ADGRL2: variants seen among roughly 807,000 people sequenced by gnomAD.
ADGRL2 encodes calcium-independent alpha-latrotoxin receptor 2.
ADGRL2 carries 44 observed loss-of-function variants against 157.4 expected under a neutral mutation model. The ratio of observed to expected loss-of-function variants is 0.28; its 90% CI spans 0.22 to 0.36. The LOEUF is 0.36. Ranked by LOEUF, ADGRL2 falls within the 10% of genes least tolerant of loss-of-function variation. The probability of loss-of-function intolerance (pLI) is 1.00; values close to 1 mark genes in which losing one functional copy is unlikely to be tolerated. For missense variants in ADGRL2, 1,510 were observed against 1,768.9 expected (o/e 0.85, Z 2.63); for synonymous variants, 585 against 624.7 (o/e 0.94, Z 0.95).
chr1:81,661,747 C>T (rs1420240322), intron 3 of ADGRL2, among the ~76,000 whole-genome samples: 2 of 152,138 alleles, frequency 1.3e-5, no homozygotes, highest in Non-Finnish European at 2.9e-5. Context: ...GATAGCACTT[C>T]CTTTCACTTG....
intron 2 of ADGRL2, among the ~76,000 whole-genome samples, chr1:81,544,583 A>G (rs941195160): frequency 1.3e-5 from 2 of 152,118 alleles, no homozygotes; most frequent in South Asian, 4.1e-4. Flanking sequence ...TGTACCTGAA[A>G]TTAATTTTTT....
At chr1:81,688,629 C>A (rs1390891200) in intron 3 of ADGRL2, among the ~76,000 whole-genome samples, 1 of 152,056 alleles carries the variant, frequency 6.6e-6, no homozygotes, top group African/African-American at 2.4e-5. Flanking sequence ...CTGGTCCCTC[C>A]CTGATTAGCT....
Position 81,404,018 on chromosome 1 carries a change from G to C in ADGRL2, c.-301-41018G>C, listed in dbSNP as rs1053230236. On this transcript the variant is annotated intron_variant, in intron 1 of 24. Transcript: ENST00000370721. ...TTGCCATGGTGGCCAGGTTGGTCTC[G>C]ATCTCTTGACCTCGTAATCCGTCCA... Among the ~76,000 whole-genome samples, 7 of 151,912 alleles carry C rather than the reference G, an allele frequency of 4.6e-5. No individual in the cohort carries two copies. In the East Asian group the frequency reaches 9.7e-4, roughly 21 times the overall value.
intron 10 of ADGRL2, among the ~76,000 whole-genome samples, chr1:81,953,620 A>T (rs1652540190): frequency 6.6e-6 from 1 of 152,208 alleles, no homozygotes; most frequent in South Asian, 2.1e-4. Context: ...TGTTGAGCTC[A>T]GAATCCCTGT....
intron 1 of ADGRL2, among the ~76,000 whole-genome samples, chr1:81,730,373 T>G (rs772695644): frequency 6.6e-6 from 1 of 152,198 alleles, no homozygotes; most frequent in Non-Finnish European, 1.5e-5. Context: ...TTACTAATTA[T>G]AATAACACAT....
At chr1:81,844,240 T>A (rs187032493) in intron 2 of ADGRL2, among the ~76,000 whole-genome samples, 14 of 152,306 alleles carry the variant, frequency 9.2e-5, no homozygotes, top group Non-Finnish European at 1.5e-4. Flanking sequence ...ATTTTTATAG[T>A]TTGAAAGAAC....
intron 1 of ADGRL2, among the ~76,000 whole-genome samples, chr1:81,714,111 C>T (rs1315431321): frequency 1.3e-5 from 2 of 152,142 alleles, no homozygotes; most frequent in Admixed American, 1.3e-4. Flanking sequence ...TAAGCCTCCT[C>T]TGATGATTCC....
chr1:81,652,148 A>T (rs1269328864), intron 3 of ADGRL2, among the ~76,000 whole-genome samples: 3 of 152,190 alleles, frequency 2.0e-5, no homozygotes, highest in East Asian at 1.9e-4. Flanking sequence ...AGAATCCAAT[A>T]AAAAAACAGC....
chr1:81,343,092 C>CTTTTTTT (rs544677891), intron 1 of ADGRL2, among the ~76,000 whole-genome samples: 5 of 131,148 alleles, frequency 3.8e-5, no homozygotes, highest in Non-Finnish European at 6.4e-5. Context: ...TTTTTCTTTT[C>CTTTTTTT]TTTTTTTTTT....
intron 1 of ADGRL2, among the ~76,000 whole-genome samples, chr1:81,441,835 A>G (rs1470674837): frequency 2.0e-5 from 3 of 151,484 alleles, no homozygotes; most frequent in African/African-American, 7.3e-5. Flanking sequence ...ACCACTCCCA[A>G]CCTAGAATAT....
intron 2 of ADGRL2, among the ~76,000 whole-genome samples, chr1:81,882,025 G>A (rs1025356214): frequency 6.6e-6 from 1 of 151,892 alleles, no homozygotes; most frequent in African/African-American, 2.4e-5. Context: ...TTCCTGGTAT[G>A]CCAAGATAGA....
At chr1:81,683,233 T>A (rs559339118) in intron 3 of ADGRL2, among the ~76,000 whole-genome samples, 5 of 152,322 alleles carry the variant, frequency 3.3e-5, no homozygotes, top group African/African-American at 1.2e-4. Flanking sequence ...GTCTTTGGAT[T>A]TCTAGAAGTA....
At chr1:81,809,834 C>T (rs1208695694) in intron 1 of ADGRL2, among the ~76,000 whole-genome samples, 3 of 151,848 alleles carry the variant, frequency 2.0e-5, no homozygotes, top group Non-Finnish European at 4.4e-5. Flanking sequence ...TCTTTTAAAA[C>T]TGATTTTGAA....
chr1:81,936,934 CA>C, intron 4 of ADGRL2, 97 bp downstream of exon 4: 1 of 747,412 alleles, frequency 1.3e-6, no homozygotes, highest in South Asian at 1.6e-5. Flanking sequence ...TTATGGCCTA[CA>C]AAACCATTAT....
At chr1:81,428,371 T>A (rs927829494) in intron 1 of ADGRL2, among the ~76,000 whole-genome samples, 2 of 151,896 alleles carry the variant, frequency 1.3e-5, no homozygotes, top group African/African-American at 4.8e-5. Flanking sequence ...GCCAAGAGGC[T>A]ATATTTTAGG....
intron 2 of ADGRL2, among the ~76,000 whole-genome samples, chr1:81,489,246 A>T (rs1200931457): frequency 6.6e-6 from 1 of 151,910 alleles, no homozygotes; most frequent in Non-Finnish European, 1.5e-5. Context: ...CAAAAAAAAA[A>T]TTAATAATAA....
intron 3 of ADGRL2, among the ~76,000 whole-genome samples, chr1:81,623,952 G>T (rs1216809976): frequency 2.0e-5 from 3 of 151,920 alleles, no homozygotes; most frequent in Non-Finnish European, 4.4e-5. Context: ...TTCTAAGGTG[G>T]GGACTGATAT....
intron 1 of ADGRL2, among the ~76,000 whole-genome samples, chr1:81,714,491 T>C (rs9661214): frequency 0.16 from 24,234 of 152,130 alleles, 2,037 homozygotes; most frequent in South Asian, 0.24. Context: ...AGAAGGCATA[T>C]ATGTATGCTT....
chr1:81,984,567 T>G lies in ADGRL2; in HGVS notation c.3283-16T>G. 1 of 1,582,394 alleles carries G rather than the reference T, an allele frequency of 6.3e-7. No individual in the cohort carries two copies. The highest frequency in any genetic ancestry group is 8.6e-7 in the Non-Finnish European group (1 of 1,157,620). On this transcript the variant is annotated splice_polypyrimidine_tract_variant and intron_variant, in intron 19 of 23. Transcript: ENST00000686636. ...GTGTTATATTAATCCCTTGGTCTTG[T>G]GATTATTCAATGCAGGTACGAAAAG... is the stretch of plus-strand genomic sequence containing the variant.
Sources: gnomAD v4.1 joint callset for allele counts (sites outside exome capture counted in the v4.1 genomes callset) on GRCh38, gnomAD v4.1.1 for gene constraint, MANE v1.5 for transcripts, NCBI Gene and HGNC (gene_info 2026-07-23, HGNC 2026-07-21) for gene names.